Variants in ANTXR1 observed in about 807,000 individuals in gnomAD.
ANTXR1 encodes the protein ANTXR cell adhesion molecule 1, also known as anthrax toxin receptor 1.
A neutral mutation model predicts 78.1 loss-of-function variants in ANTXR1; 19 were observed. The observed-to-expected ratio is 0.24, with a 90% CI of 0.17 to 0.36. The LOEUF (loss-of-function observed/expected upper bound fraction) is 0.36, where lower values mean the gene tolerates loss of function less well. Ranked by LOEUF, ANTXR1 falls within the 10% of genes least tolerant of loss-of-function variation. The pLI, the probability that ANTXR1 is intolerant of heterozygous loss-of-function variation, is 1.00. For missense variants in ANTXR1, 518 were observed against 718.6 expected, an observed-to-expected ratio of 0.72 and a Z score of 3.19; for synonymous variants, 273 against 260.5, an observed-to-expected ratio of 1.05 and a Z score of -0.46.
chr2:69,021,278 C>T (rs1275261408), intron 1 of ANTXR1, among the ~76,000 whole-genome samples: 1 of 152,174 alleles, frequency 6.6e-6, no homozygotes, highest in Non-Finnish European at 1.5e-5. Context: ...AAGTCTCAAA[C>T]CCAAGCCCCT....
rs1212564472 is a variant in ANTXR1, at chr2:69,247,169, A to G, written c.*1684A>G. 2.6e-5 allele frequency: 4 copies of G among 152,730 alleles called. No homozygotes were observed. Among genetic ancestry groups the G allele is most frequent in the Non-Finnish European group, 4.4e-5 (3 of 68,044 alleles). The allele number at this position is 152,730 out of a possible 1,614,324, so 9.5% of individuals were successfully genotyped here. ...TCTTCACAATCCTTCTCAAATTACA[A>G]TTCCAAAGAGCCGCCACTCAACAGT... is the stretch of plus-strand genomic sequence containing the variant. On this transcript the variant is annotated 3_prime_UTR_variant, in exon 18 of 18. Transcript: ENST00000303714.
chr2:69,128,309 G>C (rs1405297321), intron 12 of ANTXR1, among the ~76,000 whole-genome samples: 1 of 152,120 alleles, frequency 6.6e-6, no homozygotes, highest in Non-Finnish European at 1.5e-5. Flanking sequence ...ATTTATATCA[G>C]TATTGTGAAG....
In ANTXR1 at chr2:69,124,580, G is replaced by A. The variant is rs139338223; in HGVS notation, c.888G>A (p.Gln296=). The A allele has an allele frequency of 2.3e-4, 376 of 1,614,166 alleles. 2 individuals are homozygous for A. The East Asian group carries it at 4.5e-3, about 19-fold the overall frequency. ...GTCATTGCAGGAAAGCTGCACTCCAGGTCAGCATGAACGATGGCCTCTCTT... is the reference window on the plus strand; with the variant it reads ...GTCATTGCAGGAAAGCTGCACTCCAAGTCAGCATGAACGATGGCCTCTCTT... ...LKEVGMKAAL[Q]VSMNDGLSFI... is the part of the protein sequence containing the mutation. The change falls in exon 12 of 18, where the codon CAG becomes CAA. Residue 296 remains glutamine (Q), a synonymous_variant. Transcript: ENST00000303714.
intron 8 of ANTXR1, among the ~76,000 whole-genome samples, chr2:69,083,008 G>A (rs943687495): frequency 6.6e-6 from 1 of 152,192 alleles, no homozygotes; most frequent in Non-Finnish European, 1.5e-5. Flanking sequence ...CAACGGAACC[G>A]AGGAATCAAT....
chr2:69,164,108 C>T (rs996590273), intron 13 of ANTXR1, among the ~76,000 whole-genome samples: 15 of 152,210 alleles, frequency 9.9e-5, no homozygotes, highest in East Asian at 1.9e-4. Flanking sequence ...AAATGAATTT[C>T]GGATACAAAA....
At chr2:69,040,023 C>T (rs747230846) in intron 1 of ANTXR1, 21 bp from the exon 2 acceptor site, 2 of 1,609,918 alleles carry the variant, frequency 1.2e-6, no homozygotes, top group South Asian at 1.1e-5. Context: ...AGTCACGCAA[C>T]ACCTGCTTTT....
At chr2:69,051,366 G>C (rs1375075397) in intron 3 of ANTXR1, among the ~76,000 whole-genome samples, 1 of 151,680 alleles carries the variant, frequency 6.6e-6, no homozygotes, top group Non-Finnish European at 1.5e-5. Flanking sequence ...ATCTGATATG[G>C]TTGTTGAATT....
intron 17 of ANTXR1, among the ~76,000 whole-genome samples, chr2:69,202,306 G>C (rs1674792440): frequency 6.6e-6 from 1 of 152,146 alleles, no homozygotes; most frequent in South Asian, 2.1e-4. Flanking sequence ...GAGGAGGGTG[G>C]AGTGTCAAGT....
At chr2:69,185,681 G>A (rs750235804) in intron 16 of ANTXR1, among the ~76,000 whole-genome samples, 4 of 152,188 alleles carry the variant, frequency 2.6e-5, no homozygotes, top group Admixed American at 1.3e-4. Flanking sequence ...ATTGCACTGC[G>A]GTGATTTTTC....
At chr2:69,091,836 A>G (rs1215779094) in intron 9 of ANTXR1, among the ~76,000 whole-genome samples, 2 of 152,220 alleles carry the variant, frequency 1.3e-5, no homozygotes, top group African/African-American at 2.4e-5. Context: ...TCGAGTCACA[A>G]GATTTTCTCT....
intron 9 of ANTXR1, among the ~76,000 whole-genome samples, chr2:69,099,483 T>C (rs907714097): frequency 1.8e-4 from 28 of 152,244 alleles, no homozygotes; most frequent in African/African-American, 6.8e-4. Context: ...TTGGGGGTCA[T>C]AAGGTAACTG....
Position 69,060,810 on chromosome 2 carries a change from C to T in ANTXR1, c.297-9837C>T, listed in dbSNP as rs144585278. ...GAGTGGGTTAAAAAATGAGGACTTC[C>T]AACTTTAAAATGAGATTTTTAAATT... On this transcript the variant is annotated intron_variant, in intron 3 of 17. Coordinates refer to ENST00000303714, the MANE Select transcript of ANTXR1 (RefSeq NM_032208.3). 2.8e-3 allele frequency among the ~76,000 whole-genome samples: 419 copies of T among 152,150 alleles called. 2 individuals carry two copies. The highest frequency in any genetic ancestry group is 9.6e-3 in the African/African-American group (400 of 41,516).
At chr2:69,175,269 T>C (rs951586215) in intron 14 of ANTXR1, among the ~76,000 whole-genome samples, 1 of 152,224 alleles carries the variant, frequency 6.6e-6, no homozygotes, top group Non-Finnish European at 1.5e-5. Flanking sequence ...CCCGCCTGTC[T>C]TCTCTTTCAT....
intron 17 of ANTXR1, among the ~76,000 whole-genome samples, chr2:69,242,663 GA>G (rs1176865290): frequency 3.9e-5 from 6 of 152,190 alleles, no homozygotes; most frequent in African/African-American, 1.4e-4. Flanking sequence ...TCAAGGACAT[GA>G]ATCTCTTGAG....
rs967002067 is a variant in ANTXR1, at chr2:69,118,421, A to G, written c.803-4596A>G. Reference sequence around the variant, plus strand: ...ACGGCAGCCTGGGCAGCAGAGGGAGACCCTGTCTCAAAAGAAAATAACAAA... The same window carrying G: ...ACGGCAGCCTGGGCAGCAGAGGGAGGCCCTGTCTCAAAAGAAAATAACAAA... On this transcript the variant is annotated intron_variant, in intron 10 of 17. Transcript: ENST00000303714. Among the ~76,000 whole-genome samples, 57 of 152,024 alleles carry G rather than the reference A, an allele frequency of 3.7e-4. 3 individuals are homozygous for G.
chr2:69,101,789 A>G (rs1354998313), intron 9 of ANTXR1, among the ~76,000 whole-genome samples: 1 of 152,218 alleles, frequency 6.6e-6, no homozygotes, highest in Non-Finnish European at 1.5e-5. Context: ...CTCTTGTGAT[A>G]TGCCACATAG....
In ANTXR1 at chr2:69,193,372, G is replaced by T. The variant is rs770836644; in HGVS notation, c.1391G>T (p.Gly464Val). ...LDALWVLLRK[G>V]YDRVSVMRPQ... ...GCCTTGTGGGTCCTACTGAGGAAAG[G>T]ATATGATCGTGTGTCTGTGATGCGT... is the stretch of plus-strand genomic sequence containing the variant. The change falls in exon 17 of 18, where the codon GGA becomes GTA. Residue 464 changes from glycine (G) to valine (V), a missense_variant. Coordinates refer to ENST00000303714, the MANE Select transcript of ANTXR1 (RefSeq NM_032208.3). 1.2e-6 allele frequency: 2 copies of T among 1,613,396 alleles called. No homozygotes were observed. Among genetic ancestry groups the T allele is most frequent in the South Asian group, 1.1e-5 (1 of 91,046 alleles).
intron 17 of ANTXR1, among the ~76,000 whole-genome samples, chr2:69,237,747 G>T (rs1558666460): frequency 6.6e-6 from 1 of 151,744 alleles, no homozygotes; most frequent in East Asian, 1.9e-4. Flanking sequence ...ATGCATCTGT[G>T]TATCTACACA....
intron 14 of ANTXR1, among the ~76,000 whole-genome samples, chr2:69,179,642 G>A (rs1558625614): frequency 6.6e-6 from 1 of 152,142 alleles, no homozygotes; most frequent in Non-Finnish European, 1.5e-5. Context: ...ATCCAGACTG[G>A]CCAATGCTGA....
Sources: gnomAD v4.1 joint callset for allele counts (sites outside exome capture counted in the v4.1 genomes callset) on GRCh38, gnomAD v4.1.1 for gene constraint, MANE v1.5 for transcripts, NCBI Gene and HGNC (gene_info 2026-07-23, HGNC 2026-07-21) for gene names.